Variants in IQSEC2 observed in about 807,000 individuals in gnomAD.
IQSEC2 encodes the protein IQ motif and Sec7 domain ArfGEF 2, also known as IQ motif and SEC7 domain-containing protein 2.
IQSEC2 carries 6 observed loss-of-function variants against 74.6 expected under a neutral mutation model. The observed-to-expected ratio is 0.08, with a 90% CI of 0.04 to 0.16. The LOEUF (loss-of-function observed/expected upper bound fraction) is 0.16. Among genes scored for constraint, IQSEC2 ranks in the 10% least tolerant of loss-of-function variants. The pLI is 1.00. For synonymous variants in IQSEC2, 494 were observed against 544.5 expected (o/e 0.91, Z 1.29); for missense variants, 734 against 1,306.2 (o/e 0.56, Z 6.75).
At chrX:53,315,171 A>C (rs1052793472) in intron 1 of IQSEC2, among the ~76,000 whole-genome samples, 2 of 111,747 alleles carry the variant, frequency 1.8e-5, no homozygotes, top group Non-Finnish European at 3.8e-5. Flanking sequence ...TGGGCGGATC[A>C]CCTGAGGTCA....
chrX:53,305,780 A>G (rs1462219593), intron 1 of IQSEC2, among the ~76,000 whole-genome samples: 1 of 111,010 alleles, frequency 9.0e-6, no homozygotes, highest in Non-Finnish European at 1.9e-5. Context: ...GTGGCACTTC[A>G]TCTCCCATTC....
chrX:53,307,608 A>G (rs1169791486), intron 1 of IQSEC2, among the ~76,000 whole-genome samples: 1 of 109,752 alleles, frequency 9.1e-6, no homozygotes, highest in Non-Finnish European at 1.9e-5. Context: ...GATCAAAGAA[A>G]TAACATAAGG....
chrX:53,300,056 G>T lies in IQSEC2; in HGVS notation c.708-8132C>A, dbSNP rs1478293019. 1.3e-4 allele frequency among the ~76,000 whole-genome samples: 14 copies of T among 111,213 alleles called. No homozygotes were observed. The East Asian group carries it at 4.0e-3, about 32-fold the overall frequency. ...GGGAATTACAGTCATGAACCACTGTGCCCGGACAGAAAAGACTTTCAACAT... is the reference window on the plus strand; with the variant it reads ...GGGAATTACAGTCATGAACCACTGTTCCCGGACAGAAAAGACTTTCAACAT... On this transcript the variant is annotated intron_variant, in intron 1 of 14. Transcript: ENST00000642864.
rs2075035422 is a variant in IQSEC2, at chrX:53,286,939, C to CCA, written c.737+4955_737+4956insTG. Among the ~76,000 whole-genome samples the CCA allele has an allele frequency of 5.1e-5, 3 of 58,457 alleles. No individual in the cohort carries two copies. In the South Asian group the frequency reaches 4.1e-3, roughly 79 times the overall value. The allele number at this position is 58,457 out of a possible 115,157, so 50.8% of individuals were successfully genotyped here. On this transcript the variant is annotated intron_variant, in intron 2 of 14. Coordinates refer to ENST00000642864, the MANE Select transcript of IQSEC2 (RefSeq NM_001111125.3). ...TGGGCGACAGAGCAAGTATCCGGCT[C>CCA]AAAAAAAAAAAAAAAAAAGAAAAAG...
chrX:53,311,056 G>T (rs1556877896), intron 1 of IQSEC2, among the ~76,000 whole-genome samples: 1 of 94,802 alleles, frequency 1.1e-5, no homozygotes, highest in African/African-American at 3.8e-5. Context: ...GGAGGCGGAG[G>T]TTGCAGTGAG....
chrX:53,295,380 A>G (rs1356770234), intron 1 of IQSEC2, among the ~76,000 whole-genome samples: 2 of 110,677 alleles, frequency 1.8e-5, no homozygotes, highest in East Asian at 5.7e-4. Flanking sequence ...CGAGGCGGGC[A>G]GATCACAAGG....
At chrX:53,287,295 G>C (rs1344215291) in intron 2 of IQSEC2, among the ~76,000 whole-genome samples, 1 of 112,349 alleles carries the variant, frequency 8.9e-6, no homozygotes, top group Non-Finnish European at 1.9e-5. Context: ...AAGCAAAATC[G>C]CATAAAGAAC....
intron 2 of IQSEC2, among the ~76,000 whole-genome samples, chrX:53,288,901 T>G (rs782815586): frequency 9.0e-6 from 1 of 111,244 alleles, no homozygotes; most frequent in South Asian, 3.8e-4. Context: ...TTAGGTCAGA[T>G]CTGTGACACT....
chrX:53,234,580 G>A lies in IQSEC2; in HGVS notation c.4106C>T (p.Pro1369Leu). 8.9e-7 allele frequency: 1 copy of A among 1,125,312 alleles called. No homozygotes were observed. Among genetic ancestry groups the A allele is most frequent in the Non-Finnish European group, 1.2e-6 (1 of 850,641 alleles). 92.7% of individuals were successfully genotyped at this position (1,125,312 alleles called of 1,213,427 possible). A position where few individuals can be genotyped will look rare whatever the true frequency, so the allele number is the denominator to read the frequency against. ...GTGCTGGGGGGCAGGACTGTACAGG[G>A]GCAGTGGGGATGTGGGCTGGTGCAG... ...HPLHQPTSPL[P>L]LYSPAPQHPP... The change falls in exon 15 of 15, where the codon CCC becomes CTC. Residue 1369 changes from proline (P) to leucine (L), a missense_variant. Physicochemically the swap from Pro to Leu is moderately conservative, Grantham distance 98. This residue lies in a region of IQSEC2 where 249 missense variants were observed against 467.9 expected (regional missense o/e 0.53). Coordinates refer to ENST00000642864, the MANE Select transcript of IQSEC2 (RefSeq NM_001111125.3).
rs782661244 is a variant in IQSEC2 at position 53,255,256 on chromosome X, A to G, written c.1000-325T>C. ...AGGAAAGAAAGGAGGAAGAAAGAGAATGAGAAAGGAGAAGGAGAGAGGGAG... is the reference window on the plus strand; with the variant it reads ...AGGAAAGAAAGGAGGAAGAAAGAGAGTGAGAAAGGAGAAGGAGAGAGGGAG... On this transcript the variant is annotated intron_variant, in intron 3 of 14. Transcript: ENST00000642864. Among the ~76,000 whole-genome samples, 4 of 111,264 alleles carry G rather than the reference A, an allele frequency of 3.6e-5. No homozygotes were observed. The South Asian group carries it at 1.5e-3, about 43-fold the overall frequency.
At chrX:53,228,290 G>C (rs1297901647), downstream of IQSEC2, among the ~76,000 whole-genome samples, 1 of 111,954 alleles carries the variant, frequency 8.9e-6, no homozygotes, top group Non-Finnish European at 1.9e-5. Context: ...CTCAAACCCA[G>C]GTCTGTCTGA....
chrX:53,240,731 C>A (rs1556860679), intron 10 of IQSEC2, among the ~76,000 whole-genome samples: 2 of 111,383 alleles, frequency 1.8e-5, no homozygotes, highest in African/African-American at 6.5e-5. Context: ...AGACAAACAT[C>A]TCTACTTGTA....
intron 1 of IQSEC2, among the ~76,000 whole-genome samples, chrX:53,318,903 G>A (rs373633241): frequency 2.7e-5 from 3 of 112,785 alleles, no homozygotes; most frequent in East Asian, 5.5e-4. Flanking sequence ...CCAGTGTGGC[G>A]CCCCAAGGCA....
chrX:53,303,426 A>T (rs782630116), intron 1 of IQSEC2, among the ~76,000 whole-genome samples: 2 of 111,331 alleles, frequency 1.8e-5, no homozygotes, highest in Non-Finnish European at 3.8e-5. Context: ...CCTACTTGTG[A>T]CAGCGAGGAA....
chrX:53,235,273 T>C, intron 14 of IQSEC2, 89 bp from the exon 15 acceptor site: 1 of 1,080,928 alleles, frequency 9.3e-7, no homozygotes, highest in Non-Finnish European at 1.2e-6. Context: ...GGGCTGGAGC[T>C]GGGGAGACAG....
At chrX:53,254,972 T>C (rs1556864757) in intron 3 of IQSEC2, 41 bp from the exon 4 acceptor site, 4 of 1,178,540 alleles carry the variant, frequency 3.4e-6, no homozygotes, top group Non-Finnish European at 4.6e-6. Flanking sequence ...CAGAAAGTCA[T>C]GGCAGCCTCA....
chrX:53,308,303 TATATCACTTGTGATATGGTC>T (rs782119492), intron 1 of IQSEC2, among the ~76,000 whole-genome samples: 44 of 110,048 alleles, frequency 4.0e-4, no homozygotes, highest in Admixed American at 2.1e-3. Context: ...AAAAAGTGAC[TATATCACTTGTGATATGGTC>T]ATATCACTTC....
At chrX:53,266,597 G>C (rs2074660705) in intron 2 of IQSEC2, 2 of 791,495 alleles carry the variant, frequency 2.5e-6, no homozygotes. Context: ...ACAGAGGTAG[G>C]TCCTTGGGAT....
Position 53,243,439 on chromosome X carries a change from G to A in IQSEC2, c.2782C>T (p.Leu928Phe). 1.7e-6 allele frequency: 2 copies of A among 1,176,484 alleles called. No homozygotes were observed. Among genetic ancestry groups the A allele is most frequent in the South Asian group, 3.8e-5 (2 of 53,025 alleles). ...VDNGEDIPRD[L>F]LVGIYQRIQG... ...ATGCGCTGGTAGATGCCCACCAGGAGGTCTCGGGGGATGTCTTCACCATTG... is the reference window on the plus strand; with the variant it reads ...ATGCGCTGGTAGATGCCCACCAGGAAGTCTCGGGGGATGTCTTCACCATTG... The change falls in exon 9 of 15, where the codon CTC (leucine) becomes TTC (phenylalanine). Residue 928 changes from leucine to phenylalanine, a missense_variant. Transcript: ENST00000642864.
Sources: allele counts gnomAD v4.1 joint callset (sites outside exome capture counted in the v4.1 genomes callset), GRCh38; gene constraint gnomAD v4.1.1; regional missense constraint gnomAD v4.1.1; transcripts MANE v1.5; gene names NCBI Gene and HGNC (gene_info 2026-07-23, HGNC 2026-07-21).